The following PRDM5 variants were observed in gnomAD, a reference collection of about 807,000 sequenced individuals.
PRDM5 encodes the protein PR domain zinc finger protein 5.
Under a neutral mutation model 81.2 loss-of-function variants are expected in PRDM5, and 56 were observed. The observed-to-expected ratio is 0.69, with a 90% CI of 0.56 to 0.86. The LOEUF is 0.86. Ranked by LOEUF, PRDM5 falls within the 40% of genes least tolerant of loss-of-function variation. The pLI is 0.00. For missense variants in PRDM5, 697 were observed against 770.1 expected (o/e 0.91, Z 1.12); for synonymous variants, 267 against 256.4 (o/e 1.04, Z -0.39).
chr4:120,839,370 C>A (rs1757733431), intron 3 of PRDM5: 1 of 687,934 alleles, frequency 1.5e-6, no homozygotes, highest in Non-Finnish European at 2.7e-6. Flanking sequence ...AGGAAACCTG[C>A]AGGTTTTCTT....
chr4:120,749,664 C>G (rs1346698522), intron 14 of PRDM5, among the ~76,000 whole-genome samples: 3 of 152,194 alleles, frequency 2.0e-5, no homozygotes, highest in African/African-American at 7.2e-5. Context: ...TGTCACTCTG[C>G]TTTGACAGGA....
At chr4:120,821,996 A>G (rs1755352766) in intron 3 of PRDM5, among the ~76,000 whole-genome samples, 1 of 152,172 alleles carries the variant, frequency 6.6e-6, no homozygotes, top group South Asian at 2.1e-4. Context: ...GATATTTTAG[A>G]AAGTCCTGGA....
At chr4:120,761,839 G>C (rs1386809051) in intron 13 of PRDM5, among the ~76,000 whole-genome samples, 1 of 151,994 alleles carries the variant, frequency 6.6e-6, no homozygotes, top group African/African-American at 2.4e-5. Context: ...TCAAATTTTT[G>C]TTCATGCTAC....
intron 8 of PRDM5, among the ~76,000 whole-genome samples, chr4:120,803,156 A>G (rs1368367152): frequency 1.3e-5 from 2 of 152,188 alleles, no homozygotes; most frequent in Non-Finnish European, 2.9e-5. Context: ...AAGTTTAGAG[A>G]AAAAAGAATA....
At chr4:120,833,256 C>T (rs182998152) in intron 3 of PRDM5, among the ~76,000 whole-genome samples, 3 of 152,184 alleles carry the variant, frequency 2.0e-5, no homozygotes, top group Admixed American at 2.0e-4. Context: ...TAATGCTGCC[C>T]TGCTTCATCC....
At position 120,884,950 on chromosome 4, in the gene PRDM5, A is replaced by C. The variant is rs142144531; in HGVS notation, c.177+22524T>G. 1.3e-3 allele frequency among the ~76,000 whole-genome samples: 203 copies of C among 151,792 alleles called. 5 individuals are homozygous for C. The South Asian group carries it at 0.021, about 15-fold the overall frequency. On this transcript the variant is annotated intron_variant, in intron 2 of 15. Transcript: ENST00000264808. ...TGGATCACGAGGTCAGGAGATCGAG[A>C]CCATCCTGGCTAACATGGTGAAACC...
intron 14 of PRDM5, among the ~76,000 whole-genome samples, chr4:120,747,691 G>T (rs181220604): frequency 6.6e-6 from 1 of 152,144 alleles, no homozygotes; most frequent in Admixed American, 6.5e-5. Context: ...GGATAAGAAA[G>T]TTCATGAAAG....
At chr4:120,835,990 G>A (rs1757310005) in intron 3 of PRDM5, among the ~76,000 whole-genome samples, 1 of 152,120 alleles carries the variant, frequency 6.6e-6, no homozygotes, top group South Asian at 2.1e-4. Flanking sequence ...CTAGTGACCT[G>A]AGAGAGAACA....
intron 14 of PRDM5, among the ~76,000 whole-genome samples, chr4:120,728,409 T>C (rs527645117): frequency 6.6e-6 from 1 of 152,216 alleles, no homozygotes; most frequent in African/African-American, 2.4e-5. Context: ...CATAATGACA[T>C]AGGAAACTAA....
At chr4:120,895,465 A>G (rs1764509835) in intron 2 of PRDM5, 2 of 152,224 alleles carry the variant, frequency 1.3e-5, no homozygotes, top group African/African-American at 4.8e-5. Context: ...CTAAAAGTAA[A>G]AAGAGGGTCA....
chr4:120,738,276 G>A (rs1433014972), intron 14 of PRDM5, among the ~76,000 whole-genome samples: 2 of 152,186 alleles, frequency 1.3e-5, no homozygotes, highest in Admixed American at 1.3e-4. Flanking sequence ...AGTACTGCTA[G>A]ATAACTCAGT....
chr4:120,707,166 AAAAC>A (rs1301734723), intron 15 of PRDM5, among the ~76,000 whole-genome samples: 2 of 152,134 alleles, frequency 1.3e-5, no homozygotes, highest in African/African-American at 4.8e-5. Context: ...CAAAAATCCT[AAAAC>A]AAACAAACAA....
chr4:120,717,834 C>A (rs1738020372), intron 14 of PRDM5, among the ~76,000 whole-genome samples: 1 of 152,104 alleles, frequency 6.6e-6, no homozygotes, highest in Non-Finnish European at 1.5e-5. Context: ...AGACCACAAT[C>A]AAATAAAATG....
intron 15 of PRDM5, among the ~76,000 whole-genome samples, chr4:120,695,852 T>C (rs1390772446): frequency 3.3e-5 from 5 of 152,036 alleles, no homozygotes; most frequent in African/African-American, 4.8e-5. Context: ...CCAAAAAAAA[T>C]GGAGTTTAAA....
intron 14 of PRDM5, among the ~76,000 whole-genome samples, chr4:120,742,924 G>C (rs1441296847): frequency 6.6e-6 from 1 of 152,068 alleles, no homozygotes; most frequent in Non-Finnish European, 1.5e-5. Flanking sequence ...AGGAAATACA[G>C]AGAATGCCAC....
intron 10 of PRDM5, among the ~76,000 whole-genome samples, chr4:120,785,971 A>G (rs1749712154): frequency 6.6e-6 from 1 of 152,152 alleles, no homozygotes; most frequent in Non-Finnish European, 1.5e-5. Context: ...GTATAAACCC[A>G]TTCGGCACAA....
chr4:120,768,955 G>A (rs1278692816), intron 13 of PRDM5, among the ~76,000 whole-genome samples: 2 of 152,158 alleles, frequency 1.3e-5, no homozygotes, highest in African/African-American at 2.4e-5. Flanking sequence ...AAATGGAAAG[G>A]GAAGCAAATA....
chr4:120,903,615 G>A (rs1288225091), intron 2 of PRDM5, among the ~76,000 whole-genome samples: 1 of 152,144 alleles, frequency 6.6e-6, no homozygotes. Context: ...TGGCTGATAT[G>A]GTTTGCCTCT....
intron 10 of PRDM5, among the ~76,000 whole-genome samples, chr4:120,786,349 A>ATCC (rs1749761791): frequency 6.6e-6 from 1 of 152,144 alleles, no homozygotes. Context: ...CTAATGTGCT[A>ATCC]TTTACCCAAA....
Sources: gnomAD v4.1 joint callset for allele counts (sites outside exome capture counted in the v4.1 genomes callset) on GRCh38, gnomAD v4.1.1 for gene constraint, MANE v1.5 for transcripts, NCBI Gene and HGNC (gene_info 2026-07-23, HGNC 2026-07-21) for gene names.